PLCH1: variants seen among roughly 807,000 people sequenced by gnomAD.
PLCH1 encodes 1-phosphatidylinositol 4,5-bisphosphate phosphodiesterase eta-1.
A neutral mutation model predicts 126.7 loss-of-function variants in PLCH1; 60 were observed. The observed-to-expected ratio is 0.47, with a 90% CI of 0.38 to 0.59. The LOEUF (loss-of-function observed/expected upper bound fraction) is 0.59, where lower values mean the gene tolerates loss of function less well. Ranked by LOEUF, PLCH1 falls within the 20% of genes least tolerant of loss-of-function variation. PLCH1 has a pLI of 0.00. For synonymous variants in PLCH1, 719 were observed against 734.9 expected, an observed-to-expected ratio of 0.98 and a Z score of 0.35; for missense variants, 1,723 against 2,040.0, an observed-to-expected ratio of 0.84 and a Z score of 2.99.
At chr3:155,452,519 G>A (rs1019310686) in intron 21 of PLCH1, among the ~76,000 whole-genome samples, 1 of 152,110 alleles carries the variant, frequency 6.6e-6, no homozygotes, top group Non-Finnish European at 1.5e-5. Flanking sequence ...TGGATTTAAA[G>A]ACACTAATGA....
chr3:155,686,450 G>A (rs1189577023), intron 2 of PLCH1, among the ~76,000 whole-genome samples: 1 of 152,216 alleles, frequency 6.6e-6, no homozygotes, highest in Non-Finnish European at 1.5e-5. Flanking sequence ...TTATGGCAGT[G>A]CTTGGGAATC....
intron 6 of PLCH1, among the ~76,000 whole-genome samples, chr3:155,574,181 C>T (rs1729626606): frequency 6.6e-6 from 1 of 152,128 alleles, no homozygotes; most frequent in East Asian, 1.9e-4. Context: ...TCCCAAAGTA[C>T]TGGGATTACA....
intron 21 of PLCH1, among the ~76,000 whole-genome samples, chr3:155,469,463 T>C (rs945034605): frequency 6.6e-6 from 1 of 152,088 alleles, no homozygotes; most frequent in Non-Finnish European, 1.5e-5. Context: ...CACAGCAGTC[T>C]GAGATCAAAC....
chr3:155,462,020 A>G (rs549936969), intron 21 of PLCH1, among the ~76,000 whole-genome samples: 1 of 152,234 alleles, frequency 6.6e-6, no homozygotes, highest in Non-Finnish European at 1.5e-5. Context: ...CTACGATCTT[A>G]TATCTGCTGT....
intron 2 of PLCH1, among the ~76,000 whole-genome samples, chr3:155,616,721 T>C (rs1300193660): frequency 2.6e-5 from 4 of 152,168 alleles, no homozygotes; most frequent in Non-Finnish European, 5.9e-5. Flanking sequence ...AAACTGTCTT[T>C]ATTGGGTCTT....
intron 2 of PLCH1, among the ~76,000 whole-genome samples, chr3:155,689,676 A>C (rs1745220401): frequency 6.6e-6 from 1 of 151,996 alleles, no homozygotes; most frequent in Non-Finnish European, 1.5e-5. Context: ...TTGATCAAGC[A>C]GAAGAAAGGA....
chr3:155,676,308 G>C (rs1030714103), intron 2 of PLCH1: 1 of 1,136,140 alleles, frequency 8.8e-7, no homozygotes. Flanking sequence ...AAGCACGCTG[G>C]AAGCATCTGC....
intron 10 of PLCH1, among the ~76,000 whole-genome samples, chr3:155,547,791 C>G (rs558049119): frequency 6.8e-6 from 1 of 147,392 alleles, no homozygotes; most frequent in African/African-American, 2.5e-5. Context: ...ATCGCAAGAA[C>G]AAAAAACCAA....
chr3:155,681,133 T>C (rs1369848598), intron 2 of PLCH1, among the ~76,000 whole-genome samples: 2 of 152,244 alleles, frequency 1.3e-5, no homozygotes, highest in East Asian at 3.8e-4. Flanking sequence ...TATATGTTAC[T>C]ATATTTTGAT....
intron 2 of PLCH1, among the ~76,000 whole-genome samples, chr3:155,681,230 T>G (rs1313948744): frequency 6.6e-6 from 1 of 152,168 alleles, no homozygotes; most frequent in Non-Finnish European, 1.5e-5. Context: ...AACACTAAAC[T>G]TAGAAAAAGA....
intron 7 of PLCH1, among the ~76,000 whole-genome samples, chr3:155,565,321 T>C (rs889854540): frequency 5.3e-5 from 8 of 152,148 alleles, no homozygotes; most frequent in Admixed American, 5.2e-4. Context: ...CCAAATCTCA[T>C]GTTGAAATAT....
rs776940971 is a variant in PLCH1, at chr3:155,594,203, A to G, written c.227-19T>C. On this transcript the variant is annotated intron_variant, in intron 3 of 22. Transcript: ENST00000460012. Reference sequence around the variant, plus strand: ...ATAAGTACTGTGAGGAAAATGAGATACACACAGTTATACAGCAGGCAAAGA... The same window carrying G: ...ATAAGTACTGTGAGGAAAATGAGATGCACACAGTTATACAGCAGGCAAAGA... 4.4e-6 allele frequency: 7 copies of G among 1,603,888 alleles called. No individual in the cohort carries two copies. In the Admixed American group the frequency reaches 6.7e-5, roughly 15 times the overall value.
At chr3:155,565,761 T>C (rs1216339517) in intron 7 of PLCH1, among the ~76,000 whole-genome samples, 1 of 151,638 alleles carries the variant, frequency 6.6e-6, no homozygotes, top group East Asian at 1.9e-4. Flanking sequence ...AATGGCACGA[T>C]CTTGGCTCAC....
intron 2 of PLCH1, among the ~76,000 whole-genome samples, chr3:155,611,461 G>A (rs1387941445): frequency 1.3e-5 from 2 of 152,070 alleles, no homozygotes; most frequent in Non-Finnish European, 2.9e-5. Flanking sequence ...TAGTCCAACA[G>A]AAAAATATCA....
At chr3:155,722,193 C>T (rs1466254643) in intron 1 of PLCH1, among the ~76,000 whole-genome samples, 2 of 151,298 alleles carry the variant, frequency 1.3e-5, no homozygotes, top group Non-Finnish European at 2.9e-5. Flanking sequence ...GATGGAGTTT[C>T]GCTCCTGTTG....
chr3:155,709,271 G>A (rs1344418319), intron 1 of PLCH1, among the ~76,000 whole-genome samples: 1 of 152,214 alleles, frequency 6.6e-6, no homozygotes, highest in Non-Finnish European at 1.5e-5. Context: ...GTGGATATAA[G>A]TTTTTAACTC....
intron 10 of PLCH1, among the ~76,000 whole-genome samples, chr3:155,541,061 T>A (rs1052360569): frequency 1.3e-5 from 2 of 152,052 alleles, no homozygotes; most frequent in Non-Finnish European, 2.9e-5. Context: ...TACTCAGCCA[T>A]AAAAAGAATG....
chr3:155,571,549 C>T (rs576111566), intron 6 of PLCH1, among the ~76,000 whole-genome samples: 4 of 152,276 alleles, frequency 2.6e-5, no homozygotes, highest in African/African-American at 7.2e-5. Context: ...TACTGGCACA[C>T]GCCACCATGC....
At chr3:155,474,234 AAAAC>A (rs1189635418) in intron 21 of PLCH1, among the ~76,000 whole-genome samples, 14 of 149,262 alleles carry the variant, frequency 9.4e-5, no homozygotes, top group Middle Eastern at 3.4e-3. Flanking sequence ...TTACAAGAAA[AAAAC>A]AAACAACCCC....
Sources: allele counts gnomAD v4.1 joint callset (sites outside exome capture counted in the v4.1 genomes callset), GRCh38; gene constraint gnomAD v4.1.1; transcripts MANE v1.5; gene names NCBI Gene and HGNC (gene_info 2026-07-23, HGNC 2026-07-21).